Variants in GRIK2 observed in about 807,000 individuals in gnomAD.
GRIK2 encodes glutamate ionotropic receptor kainate type subunit 2.
GRIK2 carries 32 observed loss-of-function variants against 100.3 expected under a neutral mutation model. The ratio of observed to expected loss-of-function variants is 0.32; its 90% CI spans 0.24 to 0.43. GRIK2 has a LOEUF of 0.43. GRIK2 is among the 20% of genes least tolerant of loss of function. The probability of loss-of-function intolerance (pLI) is 1.00; values close to 1 mark genes in which losing one functional copy is unlikely to be tolerated. For synonymous variants in GRIK2, 417 were observed against 389.4 expected (o/e 1.07, Z -0.83); for missense variants, 843 against 1,114.9 (o/e 0.76, Z 3.47).
intron 4 of GRIK2, among the ~76,000 whole-genome samples, chr6:101,669,024 C>G (rs966719263): frequency 6.6e-6 from 1 of 152,050 alleles, no homozygotes; most frequent in Admixed American, 6.6e-5. Context: ...CAGTACTGTA[C>G]TCTTAGTGAA....
intron 6 of GRIK2, among the ~76,000 whole-genome samples, chr6:101,683,675 T>A (rs1771454461): frequency 6.6e-6 from 1 of 152,234 alleles, no homozygotes; most frequent in Non-Finnish European, 1.5e-5. Context: ...TCAGTTAACA[T>A]CTTCGTTCGA....
chr6:101,476,085 A>G (rs1772212639), intron 2 of GRIK2, among the ~76,000 whole-genome samples: 1 of 152,110 alleles, frequency 6.6e-6, no homozygotes, highest in Non-Finnish European at 1.5e-5. Flanking sequence ...ACAAATTTTA[A>G]TTAAGAATGT....
rs1251241918 is a variant in GRIK2, at chr6:101,825,070, T to TA, written c.1317+6588dup. The stretch of plus-strand genomic sequence containing the variant: ...GAAGGACTGTCAAGCATGAAGTTCT[T>TA]AGAGAGTTGCATAGCATTTGGGCTT... On this transcript the variant is annotated intron_variant, in intron 10 of 16. Transcript: ENST00000369134. Among the ~76,000 whole-genome samples, 14 of 152,322 alleles carry TA rather than the reference T, an allele frequency of 9.2e-5. 1 individual carries two copies. Among genetic ancestry groups the TA allele is most frequent in the African/African-American group, 3.4e-4 (14 of 41,578 alleles).
In GRIK2 at chr6:101,534,768, C is replaced by T. The variant is rs538189528; in HGVS notation, c.116-87181C>T. The stretch of plus-strand genomic sequence containing the variant: ...AAACAACAAAACTCACCAACTAAAA[C>T]GCCATCAACAAAATCTTAGTATTTT... On this transcript the variant is annotated intron_variant, in intron 2 of 16. Transcript: ENST00000369134. 1.6e-3 allele frequency among the ~76,000 whole-genome samples: 237 copies of T among 151,842 alleles called. 1 individual carries two copies. The highest frequency in any genetic ancestry group is 5.0e-3 in the African/African-American group (208 of 41,468).
At chr6:101,594,952 G>T (rs1401158624) in intron 2 of GRIK2, among the ~76,000 whole-genome samples, 1 of 151,308 alleles carries the variant, frequency 6.6e-6, no homozygotes, top group East Asian at 1.9e-4. Flanking sequence ...ATAAGCATGT[G>T]GGCAAGATAG....
chr6:101,568,785 T>C (rs576394203), intron 2 of GRIK2, among the ~76,000 whole-genome samples: 1 of 152,228 alleles, frequency 6.6e-6, no homozygotes, highest in South Asian at 2.1e-4. Flanking sequence ...ATTTAAAAAT[T>C]ATTTTAAAAC....
At chr6:101,640,283 C>T (rs1191740041) in intron 4 of GRIK2, among the ~76,000 whole-genome samples, 1 of 152,122 alleles carries the variant, frequency 6.6e-6, no homozygotes, top group Non-Finnish European at 1.5e-5. Context: ...TTACCAATAT[C>T]TCTGGTTATC....
chr6:101,534,914 C>A (rs1475917), intron 2 of GRIK2, among the ~76,000 whole-genome samples: 6 of 151,012 alleles, frequency 4.0e-5, no homozygotes, highest in Non-Finnish European at 8.9e-5. Flanking sequence ...TGTACTTGAA[C>A]AGCAAAGCCA....
intron 2 of GRIK2, among the ~76,000 whole-genome samples, chr6:101,451,468 T>C (rs545083924): frequency 1.3e-4 from 19 of 151,812 alleles, no homozygotes; most frequent in African/African-American, 4.3e-4. Flanking sequence ...AGTCAATAAA[T>C]TGGTTGAATA....
At chr6:101,721,792 T>C (rs1360928816) in intron 7 of GRIK2, among the ~76,000 whole-genome samples, 1 of 151,988 alleles carries the variant, frequency 6.6e-6, no homozygotes, top group East Asian at 1.9e-4. Context: ...CATACTTACA[T>C]GGAACACATA....
At chr6:101,850,717 A>T (rs774591109) in intron 10 of GRIK2, among the ~76,000 whole-genome samples, 34 of 152,080 alleles carry the variant, frequency 2.2e-4, no homozygotes, top group Non-Finnish European at 4.0e-4. Context: ...ACTGGGGTTG[A>T]TAGTAGAAAT....
chr6:101,760,636 ATAATTATATATAATTATATGTT>A lies in GRIK2; in HGVS notation c.952-38992_952-38971del, dbSNP rs1330587948. On this transcript the variant is annotated intron_variant, in intron 7 of 16. Coordinates refer to ENST00000369134, the MANE Select transcript of GRIK2 (RefSeq NM_021956.5). Reference sequence around the variant, plus strand: ...TATTTAATTATATGTTTAATTATATATAATTATATATAATTATATGTTTAATTATATATAATTATATATTTAA... The same window carrying A: ...TATTTAATTATATGTTTAATTATATATAATTATATATAATTATATATTTAA... Among the ~76,000 whole-genome samples, 6 of 106,508 alleles carry A rather than the reference ATAATTATATATAATTATATGTT, an allele frequency of 5.6e-5. 1 individual carries two copies. The highest frequency in any genetic ancestry group is 5.4e-5 in the Non-Finnish European group (3 of 55,886). 69.9% of individuals were successfully genotyped at this position (106,508 alleles called of 152,430 possible). A position where few individuals can be genotyped will look rare whatever the true frequency, so the allele number is the denominator to read the frequency against.
intron 6 of GRIK2, among the ~76,000 whole-genome samples, chr6:101,684,181 G>A (rs897814402): frequency 3.9e-5 from 6 of 152,136 alleles, no homozygotes; most frequent in African/African-American, 1.4e-4. Flanking sequence ...AAACTTAGTG[G>A]TGGGGGTGGA....
Position 101,722,912 on chromosome 6 carries a change from C to T in GRIK2, c.951+36559C>T, listed in dbSNP as rs773931063. ...GGAATAATCTGGGAGAGGATGCTGT[C>T]ATTTTTACTGCCAGTCCTTTTAAGG... On this transcript the variant is annotated intron_variant, in intron 7 of 16. Coordinates refer to ENST00000369134, the MANE Select transcript of GRIK2 (RefSeq NM_021956.5). Among the ~76,000 whole-genome samples, 108 of 152,156 alleles carry T rather than the reference C, an allele frequency of 7.1e-4. 1 individual carries two copies. The highest frequency in any genetic ancestry group is 3.4e-3 in the Middle Eastern group (1 of 294).
chr6:101,920,576 C>T (rs1397051578), intron 12 of GRIK2, among the ~76,000 whole-genome samples: 1 of 151,778 alleles, frequency 6.6e-6, no homozygotes, highest in Admixed American at 6.6e-5. Flanking sequence ...TTATAGATAT[C>T]CTCCATGAAG....
chr6:101,907,409 A>G (rs1226814737), intron 12 of GRIK2, among the ~76,000 whole-genome samples: 1 of 151,592 alleles, frequency 6.6e-6, no homozygotes, highest in African/African-American at 2.4e-5. Flanking sequence ...AAAGCTGAGC[A>G]TATCATTATT....
intron 2 of GRIK2, among the ~76,000 whole-genome samples, chr6:101,463,104 G>T (rs904162993): frequency 1.6e-4 from 25 of 152,016 alleles, no homozygotes; most frequent in African/African-American, 5.6e-4. Context: ...AAAGTGTTTT[G>T]CTTGAAATTT....
chr6:101,800,531 A>G (rs991275556), intron 8 of GRIK2, among the ~76,000 whole-genome samples: 1 of 152,114 alleles, frequency 6.6e-6, no homozygotes, highest in African/African-American at 2.4e-5. Flanking sequence ...TATTATTACC[A>G]TATGAAATTT....
At chr6:101,840,503 A>C (rs1299006679) in intron 10 of GRIK2, among the ~76,000 whole-genome samples, 1 of 152,210 alleles carries the variant, frequency 6.6e-6, no homozygotes, top group Non-Finnish European at 1.5e-5. Context: ...TGACTCAAAA[A>C]GAAAGTTACA....
Sources: gnomAD v4.1 joint callset for allele counts (sites outside exome capture counted in the v4.1 genomes callset) on GRCh38, gnomAD v4.1.1 for gene constraint, MANE v1.5 for transcripts, NCBI Gene and HGNC (gene_info 2026-07-23, HGNC 2026-07-21) for gene names.